The following COX15 variants were observed in gnomAD, a reference collection of about 807,000 sequenced individuals.
COX15 encodes the protein cytochrome c oxidase assembly factor COX15.
A neutral mutation model predicts 51.9 loss-of-function variants in COX15; 51 were observed. The observed-to-expected ratio is 0.98, with a 90% confidence interval of 0.78 to 1.24. The LOEUF is 1.24. Among genes scored for constraint, COX15 ranks in the 50% most tolerant of loss-of-function variants. COX15 has a pLI of 0.00. For missense variants in COX15, 420 were observed against 501.1 expected, an observed-to-expected ratio of 0.84 and a Z score of 1.55; for synonymous variants, 188 against 190.5, an observed-to-expected ratio of 0.99 and a Z score of 0.11.
At chr10:99,698,551 C>T in the COX15 span, 65 of 1,613,768 alleles carry the variant, frequency 4.0e-5, no homozygotes, top group Non-Finnish European at 5.2e-5. Flanking sequence ...GGTCAGAAGA[C>T]AGGTCTGAGT....
intron 1 of COX15, among the ~76,000 whole-genome samples, chr10:99,730,065 C>T (rs560749097): frequency 6.6e-6 from 1 of 152,218 alleles, no homozygotes; most frequent in Middle Eastern, 3.4e-3. Context: ...ACTTCCTTTC[C>T]CCTGATTAAT....
In COX15 at chr10:99,711,073, T is replaced by C. The variant is rs2036368106; in HGVS notation, c.*3514A>G. 1.0e-6 allele frequency: 1 copy of C among 977,906 alleles called. No individual in the cohort carries two copies. Among genetic ancestry groups the C allele is most frequent in the Non-Finnish European group, 1.2e-6 (1 of 828,036 alleles). The allele number at this position is 977,906 out of a possible 1,614,324, so 60.6% of individuals were successfully genotyped here. On this transcript the variant is annotated 3_prime_UTR_variant, in exon 9 of 9. Transcript: ENST00000016171. The stretch of plus-strand genomic sequence containing the variant: ...TCACTAATTCAATATTTGATATGTG[T>C]CTGGGAGTGCTGGGAATAACATAAA...
chr10:99,720,964 A>T, intron 6 of COX15, 23 bp downstream of exon 6: 1 of 1,605,140 alleles, frequency 6.2e-7, no homozygotes, highest in Non-Finnish European at 8.5e-7. Flanking sequence ...CAAACAGGTC[A>T]TCTTTGATGA....
intron 2 of COX15, among the ~76,000 whole-genome samples, chr10:99,727,967 A>G (rs1470021576): frequency 6.6e-6 from 1 of 152,206 alleles, no homozygotes; most frequent in East Asian, 1.9e-4. Context: ...ATTTAAAGAC[A>G]ATAAAATTCA....
chr10:99,695,156 C>T, the COX15 span, among the ~76,000 whole-genome samples: 3 of 152,234 alleles, frequency 2.0e-5, no homozygotes, highest in East Asian at 1.9e-4. Context: ...TTTTCATTGG[C>T]GGTACAATAA....
chr10:99,723,970 G>A lies in COX15; in HGVS notation c.736C>T (p.Leu246Phe). ...ACAACTCTTACCTTGTGCGGAGGGA[G>A]TAGCAGTGACAGTGAGGTCCACAAG... ...ASLWTSLSLL[L>F]PPHKLPETHQ... Residue 246 changes from leucine (L) to phenylalanine (F), a missense_variant, in exon 5 of 9, where the codon CTC becomes TTC. Coordinates refer to ENST00000016171, the MANE Select transcript of COX15 (RefSeq NM_078470.6). 6.2e-7 allele frequency: 1 copy of A among 1,613,938 alleles called. No homozygotes were observed. Among genetic ancestry groups the A allele is most frequent in the Non-Finnish European group, 8.5e-7 (1 of 1,180,030 alleles).
intron 1 of COX15, among the ~76,000 whole-genome samples, 161 bp from the exon 2 acceptor site, chr10:99,729,895 G>T (rs1028124680): frequency 2.0e-5 from 3 of 152,108 alleles, no homozygotes; most frequent in Non-Finnish European, 4.4e-5. Flanking sequence ...CCTTCCAACT[G>T]GTTTTCCAAT....
At chr10:99,717,869 T>C (rs948011461) in intron 7 of COX15, among the ~76,000 whole-genome samples, 3 of 152,174 alleles carry the variant, frequency 2.0e-5, no homozygotes, top group African/African-American at 7.2e-5. Flanking sequence ...AAGCCAATCT[T>C]TGAATGGCCC....
At chr10:99,720,302 G>A (rs1025638196) in intron 6 of COX15, among the ~76,000 whole-genome samples, 1 of 152,124 alleles carries the variant, frequency 6.6e-6, no homozygotes, top group Non-Finnish European at 1.5e-5. Context: ...AAAATCAGCT[G>A]GGCGTGGTGG....
chr10:99,705,740 T>G, the COX15 span: 1 of 152,240 alleles, frequency 6.6e-6, no homozygotes, highest in Non-Finnish European at 1.5e-5. Flanking sequence ...TCTTGGAATG[T>G]CTGAAAGGGA....
At chr10:99,718,682 T>G (rs1297659767) in intron 6 of COX15, among the ~76,000 whole-genome samples, 182 bp from the exon 7 acceptor site, 2 of 152,156 alleles carry the variant, frequency 1.3e-5, no homozygotes, top group Non-Finnish European at 2.9e-5. Context: ...CAAGGAAACT[T>G]CAAATCTCTG....
chr10:99,709,944 C>G (rs988381164), downstream of COX15: 48 of 985,296 alleles, frequency 4.9e-5, no homozygotes, highest in Non-Finnish European at 5.7e-5. Context: ...ATTACTCATA[C>G]TACAAGGGCT....
In COX15 at chr10:99,713,543, G is replaced by A. The variant is rs975828980; in HGVS notation, c.*1044C>T. ...AGCAGTCAACAATTTGTTTATCTGGGTAGATGTCCATGCACTACACCATCA... is the reference window on the plus strand; with the variant it reads ...AGCAGTCAACAATTTGTTTATCTGGATAGATGTCCATGCACTACACCATCA... On this transcript the variant is annotated 3_prime_UTR_variant, in exon 9 of 9. Coordinates refer to ENST00000016171, the MANE Select transcript of COX15 (RefSeq NM_078470.6). The A allele has an allele frequency of 1.3e-6, 2 of 1,563,886 alleles. No individual in the cohort carries two copies. The highest frequency in any genetic ancestry group is 8.7e-7 in the Non-Finnish European group (1 of 1,154,118).
chr10:99,695,298 G>A, the COX15 span, among the ~76,000 whole-genome samples: 1 of 152,088 alleles, frequency 6.6e-6, no homozygotes, highest in Non-Finnish European at 1.5e-5. Flanking sequence ...GCTGAGAAGG[G>A]CTGATCATGA....
chr10:99,726,864 G>A (rs1463697305), intron 4 of COX15, 104 bp downstream of exon 4: 9 of 1,203,002 alleles, frequency 7.5e-6, no homozygotes, highest in South Asian at 1.3e-5. Flanking sequence ...CTCCAGCCTG[G>A]GCGACACAGC....
At chr10:99,730,034 A>G (rs956250610) in intron 1 of COX15, among the ~76,000 whole-genome samples, 1 of 152,142 alleles carries the variant, frequency 6.6e-6, no homozygotes, top group African/African-American at 2.4e-5. Flanking sequence ...AGGTCTTTCA[A>G]CATTTCTCTC....
chr10:99,713,096 G>A lies in COX15; in HGVS notation c.*1491C>T. On this transcript the variant is annotated 3_prime_UTR_variant, in exon 9 of 9. Coordinates refer to ENST00000016171, the MANE Select transcript of COX15 (RefSeq NM_078470.6). ...ACCCAGAGTGAAATGCAGTATGTTAGGGGTATTTTGACTATGGCTGTGACA... is the reference window on the plus strand; with the variant it reads ...ACCCAGAGTGAAATGCAGTATGTTAAGGGTATTTTGACTATGGCTGTGACA... The A allele has an allele frequency of 2.4e-6, 3 of 1,231,628 alleles. No individual in the cohort carries two copies. The highest frequency in any genetic ancestry group is 3.1e-6 in the Non-Finnish European group (3 of 974,892). 76.3% of individuals were successfully genotyped at this position (1,231,628 alleles called of 1,614,324 possible).
At chr10:99,698,699 C>G in the COX15 span, 6 of 1,614,152 alleles carry the variant, frequency 3.7e-6, no homozygotes, top group Non-Finnish European at 5.1e-6. Context: ...TGCTGGCTCG[C>G]TCCAACACCA....
At chr10:99,729,403 T>G (rs2037063075) in intron 2 of COX15, 150 bp downstream of exon 2, 4 of 812,670 alleles carry the variant, frequency 4.9e-6, no homozygotes, top group Non-Finnish European at 6.0e-6. Context: ...GAGGTTGCAG[T>G]CAGCCGAGAT....
Sources: allele counts gnomAD v4.1 joint callset (sites outside exome capture counted in the v4.1 genomes callset), GRCh38; gene constraint gnomAD v4.1.1; transcripts MANE v1.5; gene names NCBI Gene and HGNC (gene_info 2026-07-23, HGNC 2026-07-21).